Variants in EFR3B observed in about 807,000 individuals in gnomAD.
EFR3B encodes protein EFR3 homolog B.
A neutral mutation model predicts 104.7 loss-of-function variants in EFR3B; 64 were observed. The observed-to-expected ratio is 0.61, with a 90% CI of 0.50 to 0.75. EFR3B has a LOEUF of 0.75. Ranked by LOEUF, EFR3B falls within the 30% of genes least tolerant of loss-of-function variation. The pLI, the probability that EFR3B is intolerant of heterozygous loss-of-function variation, is 0.00. For missense variants in EFR3B, 750 were observed against 1,078.5 expected, an observed-to-expected ratio of 0.70 and a Z score of 4.27; for synonymous variants, 385 against 417.9, an observed-to-expected ratio of 0.92 and a Z score of 0.96.
At chr2:25,135,408 C>T (rs1007285795) in intron 12 of EFR3B, 59 bp from the exon 13 acceptor site, 92 of 1,537,396 alleles carry the variant, frequency 6.0e-5, no homozygotes, top group Non-Finnish European at 7.8e-5. Flanking sequence ...TCCTCCATCT[C>T]CTCCTGCACC....
chr2:25,061,684 C>T lies in EFR3B; in HGVS notation c.7+19365C>T, dbSNP rs191623467. 2.4e-3 allele frequency among the ~76,000 whole-genome samples: 357 copies of T among 151,634 alleles called. 2 individuals are homozygous for T. Among genetic ancestry groups the T allele is most frequent in the African/African-American group, 8.1e-3 (334 of 41,340 alleles). On this transcript the variant is annotated intron_variant, in intron 1 of 22. Coordinates refer to ENST00000403714, the MANE Select transcript of EFR3B (RefSeq NM_014971.2). ...ATTTCTTTTGTATTTTTAGTAGAGACGGGATTTCACCATGTTGGCCAGGCT... is the reference window on the plus strand; with the variant it reads ...ATTTCTTTTGTATTTTTAGTAGAGATGGGATTTCACCATGTTGGCCAGGCT...
At position 25,131,914 on chromosome 2, in the gene EFR3B, G is replaced by A; in HGVS notation, c.1147+3G>A. The A allele has an allele frequency of 1.3e-6, 2 of 1,505,640 alleles. No homozygotes were observed. Among genetic ancestry groups the A allele is most frequent in the East Asian group, 2.6e-5 (1 of 38,622 alleles). 93.3% of individuals were successfully genotyped at this position (1,505,640 alleles called of 1,614,324 possible). A position where few individuals can be genotyped will look rare whatever the true frequency, so the allele number is the denominator to read the frequency against. ...GGAGGCCGTCATCAAGACCGTGGGT[G>A]CGGCGCGGGGCCGGGCCGGGGCGGG... On this transcript the variant is annotated splice_donor_region_variant and intron_variant, in intron 10 of 22. Transcript: ENST00000403714. The surrounding 1 kb of genome is among the most constrained non-coding windows in gnomAD (Gnocchi z 7.6).
In EFR3B at chr2:25,137,711, GC is replaced by G. The variant is rs1670556442; in HGVS notation, c.1722+212del. Among the ~76,000 whole-genome samples, 1 of 152,178 alleles carries G rather than the reference GC, an allele frequency of 6.6e-6. No homozygotes were observed. The highest frequency in any genetic ancestry group is 2.4e-5 in the African/African-American group (1 of 41,432). On this transcript the variant is annotated intron_variant, in intron 15 of 22. Transcript: ENST00000403714. The surrounding 1 kb of genome is among the most constrained non-coding windows in gnomAD (Gnocchi z 4.7). The stretch of plus-strand genomic sequence containing the variant: ...AAAGAATGCTTCATTCATGGTCTTG[GC>G]CCGTCCTTAAGCTAAAGAAGACCCA...
intron 1 of EFR3B, among the ~76,000 whole-genome samples, chr2:25,075,121 T>A (rs1326764885): frequency 6.6e-6 from 1 of 152,144 alleles, no homozygotes; most frequent in East Asian, 1.9e-4. Flanking sequence ...TTACACCTGA[T>A]TTTCAAGAAT....
intron 1 of EFR3B, among the ~76,000 whole-genome samples, chr2:25,090,900 G>A (rs1669093096): frequency 6.6e-6 from 1 of 152,138 alleles, no homozygotes; most frequent in South Asian, 2.1e-4. Flanking sequence ...TAGATTCTTG[G>A]GCTGCAGGAG....
At chr2:25,141,793 C>A (rs1376054825) in intron 17 of EFR3B, among the ~76,000 whole-genome samples, 3 of 152,182 alleles carry the variant, frequency 2.0e-5, no homozygotes, top group African/African-American at 7.2e-5. Flanking sequence ...AGTGTCATTT[C>A]AACATCAGAG....
chr2:25,140,493 G>A (rs1206015880), intron 16 of EFR3B, among the ~76,000 whole-genome samples: 1 of 152,096 alleles, frequency 6.6e-6, no homozygotes, highest in Non-Finnish European at 1.5e-5. Context: ...GAAAGGCAAT[G>A]CCCAGACATC....
chr2:25,067,858 A>G (rs910613139), intron 1 of EFR3B, among the ~76,000 whole-genome samples: 3 of 151,940 alleles, frequency 2.0e-5, no homozygotes, highest in African/African-American at 7.3e-5. Flanking sequence ...TTTGGAAAAA[A>G]AAATAGAGAT....
At chr2:25,126,128 C>A (rs956962065) in intron 5 of EFR3B, among the ~76,000 whole-genome samples, 1 of 152,212 alleles carries the variant, frequency 6.6e-6, no homozygotes, top group African/African-American at 2.4e-5. Context: ...CATTCTCCTG[C>A]GGCTTGCGCA....
intron 4 of EFR3B, 34 bp downstream of exon 4, chr2:25,103,821 A>C: frequency 6.5e-7 from 1 of 1,549,246 alleles, no homozygotes; most frequent in Non-Finnish European, 8.7e-7. Context: ...CAGGTCTCCC[A>C]GCCGCATCCT....
rs183588705 is a variant in EFR3B, at chr2:25,152,348, C to T, written c.2298+328C>T. On this transcript the variant is annotated intron_variant, in intron 21 of 22. Coordinates refer to ENST00000403714, the MANE Select transcript of EFR3B (RefSeq NM_014971.2). ...CTGTCTGGCAGTCAGATCATGCTCA[C>T]TGTGGTCCTGACAGCAGGCACGTGA... Among the ~76,000 whole-genome samples the T allele has an allele frequency of 3.0e-4, 45 of 152,376 alleles. No individual in the cohort carries two copies. In the East Asian group the frequency reaches 7.9e-3, roughly 27 times the overall value.
In EFR3B at chr2:25,137,624, G is replaced by A. The variant is rs773798414; in HGVS notation, c.1722+122G>A. The A allele has an allele frequency of 6.3e-5, 89 of 1,409,762 alleles. No homozygotes were observed. Among genetic ancestry groups the A allele is most frequent in the Non-Finnish European group, 8.4e-5 (88 of 1,050,588 alleles). The allele number at this position is 1,409,762 out of a possible 1,614,324, so 87.3% of individuals were successfully genotyped here. A position where few individuals can be genotyped will look rare whatever the true frequency, so the allele number is the denominator to read the frequency against. ...CACTGTTTTGGAGCCCAGGAATATT[G>A]TACTCGTGGTTGGCCACGCCTCCCT... On this transcript the variant is annotated intron_variant, in intron 15 of 22. Transcript: ENST00000403714. This position sits in a 1 kb window ranked among gnomAD's most constrained non-coding sequence, Gnocchi z 4.7.
chr2:25,121,507 G>A (rs986075924), intron 4 of EFR3B, among the ~76,000 whole-genome samples, 166 bp from the exon 5 acceptor site: 20 of 152,174 alleles, frequency 1.3e-4, no homozygotes, highest in African/African-American at 3.9e-4. Context: ...AGAGGCGAGC[G>A]GGATTGGGAA....
At chr2:25,076,102 T>G (rs1361328221) in intron 1 of EFR3B, among the ~76,000 whole-genome samples, 1 of 151,866 alleles carries the variant, frequency 6.6e-6, no homozygotes, top group Non-Finnish European at 1.5e-5. Flanking sequence ...TTTGTTGCCC[T>G]GGCTGGTCTC....
chr2:25,149,792 C>T (rs1670951061), intron 20 of EFR3B, 50 bp downstream of exon 20: 1 of 1,511,042 alleles, frequency 6.6e-7, no homozygotes, highest in Non-Finnish European at 9.0e-7. Context: ...GGGGTGGGGT[C>T]CTTGGGCCTG....
In EFR3B at chr2:25,130,547, C is replaced by T. The variant is rs1670300332; in HGVS notation, c.771-5C>T. On this transcript the variant is annotated splice_region_variant and splice_polypyrimidine_tract_variant and intron_variant, in intron 7 of 22. Coordinates refer to ENST00000403714, the MANE Select transcript of EFR3B (RefSeq NM_014971.2). The surrounding 1 kb of genome is among the most constrained non-coding windows in gnomAD (Gnocchi z 4.6). ...AGTTGTTCCCCCACGTTTTCTCCCT[C>T]ACAGCCATCTGGATAACCATTCTCT... The T allele has an allele frequency of 6.4e-6, 10 of 1,551,590 alleles. No homozygotes were observed. Among genetic ancestry groups the T allele is most frequent in the Non-Finnish European group, 7.0e-6 (8 of 1,146,832 alleles).
In EFR3B at chr2:25,114,202, C is replaced by A. The variant is rs1358172739; in HGVS notation, c.364-7471C>A. On this transcript the variant is annotated intron_variant, in intron 4 of 22. Transcript: ENST00000403714. This position sits in a 1 kb window ranked among gnomAD's most constrained non-coding sequence, Gnocchi z 4.0. The stretch of plus-strand genomic sequence containing the variant: ...ACTGTCACCAAAATTTCCAGCTTGG[C>A]CCCCTCATGTCAACCCCTGGAAGAT... Among the ~76,000 whole-genome samples, 2 of 152,148 alleles carry A rather than the reference C, an allele frequency of 1.3e-5. No individual in the cohort carries two copies. Among genetic ancestry groups the A allele is most frequent in the African/African-American group, 4.8e-5 (2 of 41,422 alleles).
chr2:25,081,003 T>A (rs751071285), intron 1 of EFR3B: 25 of 756,128 alleles, frequency 3.3e-5, no homozygotes, highest in Non-Finnish European at 6.2e-5. Flanking sequence ...TTTAATTGCA[T>A]CAGGAGTCTC....
At chr2:25,064,551 T>C (rs1246280371) in intron 1 of EFR3B, among the ~76,000 whole-genome samples, 3 of 152,200 alleles carry the variant, frequency 2.0e-5, no homozygotes, top group African/African-American at 7.2e-5. Context: ...ACTATTGTTT[T>C]CATGTGATAG....
Sources: gnomAD v4.1 joint callset for allele counts (sites outside exome capture counted in the v4.1 genomes callset) on GRCh38, gnomAD v4.1.1 for gene constraint, Gnocchi (gnomAD v3.1) non-coding constraint, MANE v1.5 for transcripts, NCBI Gene and HGNC (gene_info 2026-07-23, HGNC 2026-07-21) for gene names.